Variants in COG5 observed in about 807,000 individuals in gnomAD.
COG5 encodes component of oligomeric golgi complex 5.
Under a neutral mutation model 110.4 loss-of-function variants are expected in COG5, and 86 were observed. The ratio of observed to expected loss-of-function variants is 0.78; its 90% confidence interval spans 0.65 to 0.93. COG5 has a LOEUF of 0.93. Among genes scored for constraint, COG5 ranks in the 40% least tolerant of loss-of-function variants. The pLI, the probability that COG5 is intolerant of heterozygous loss-of-function variation, is 0.00. For missense variants in COG5, 1,077 were observed against 987.0 expected (o/e 1.09, Z -1.22); for synonymous variants, 360 against 334.6 (o/e 1.08, Z -0.83).
At position 107,209,036 on chromosome 7, in the gene COG5, A is replaced by T. The variant is rs1388021856; in HGVS notation, c.2375+1490T>A. 5 of 981,758 alleles carry T rather than the reference A, an allele frequency of 5.1e-6. No homozygotes were observed. The African/African-American group carries it at 8.8e-5, about 17-fold the overall frequency. 60.8% of individuals were successfully genotyped at this position (981,758 alleles called of 1,614,324 possible). ...AAGGGTGAGAGACCTGGGCACTAGG[A>T]ATTTTCCAAGCTATGTAAATGATTC... On this transcript the variant is annotated intron_variant, in intron 21 of 21. Coordinates refer to ENST00000297135, the MANE Select transcript of COG5 (RefSeq NM_006348.5).
rs113517604 is a variant in COG5, at chr7:107,230,631, T to A, written c.2152A>T (p.Met718Leu). The part of the protein sequence containing the change: ...RVSDLGKSYR[M>L]LRSFRPLLFQ... ...CGGTCTTACCTGAATGATCTCAGCA[T>A]CCGATAGGACTTTCCTAAATCAGAT... Residue 718 changes from methionine to leucine, a missense_variant, in exon 19 of 22, where the codon ATG becomes TTG. By Grantham distance (15) the Met-to-Leu change is conservative. Transcript: ENST00000297135. 5 of 1,612,712 alleles carry A rather than the reference T, an allele frequency of 3.1e-6. No individual in the cohort carries two copies. Among genetic ancestry groups the A allele is most frequent in the African/African-American group, 2.7e-5 (2 of 75,010 alleles).
chr7:107,404,357 C>T (rs1180649918), intron 7 of COG5, among the ~76,000 whole-genome samples: 1 of 152,070 alleles, frequency 6.6e-6, no homozygotes, highest in East Asian at 1.9e-4. Context: ...AAACTAAGTG[C>T]GTAATCATTC....
In COG5 at chr7:107,258,357, C is replaced by T. The variant is rs759544719; in HGVS notation, c.1602G>A (p.Gln534=). Residue 534 remains glutamine (Q), a synonymous_variant, in exon 15 of 22, where the codon CAG becomes CAA. Transcript: ENST00000297135. ...QLLSTQGDAS[Q]VIGPLTEGQR... is the part of the protein sequence containing the mutation. ...GTCCTTCAGTAAGAGGCCCAATCAC[C>T]TGACTTGCATCTCCTTGTGTGGAGA... is the stretch of plus-strand genomic sequence containing the variant. 1.7e-5 allele frequency: 28 copies of T among 1,611,610 alleles called. No homozygotes were observed. The highest frequency in any genetic ancestry group is 2.4e-5 in the Non-Finnish European group (28 of 1,177,866).
intron 6 of COG5, among the ~76,000 whole-genome samples, chr7:107,492,942 T>G (rs77998381): frequency 2.5e-3 from 383 of 152,268 alleles, no homozygotes; most frequent in Middle Eastern, 3.4e-3. Flanking sequence ...GAACATGTCA[T>G]GATCTGCTGT....
chr7:107,519,754 A>G (rs1299759886), intron 6 of COG5, among the ~76,000 whole-genome samples: 2 of 152,202 alleles, frequency 1.3e-5, no homozygotes, highest in Admixed American at 1.3e-4. Context: ...ATGATATTCC[A>G]AACAACTGAA....
chr7:107,511,499 T>A (rs540243566), intron 6 of COG5, among the ~76,000 whole-genome samples: 5 of 152,160 alleles, frequency 3.3e-5, no homozygotes, highest in Non-Finnish European at 7.4e-5. Flanking sequence ...CTTCTGAAAC[T>A]ATTCCAATCA....
intron 14 of COG5, among the ~76,000 whole-genome samples, chr7:107,261,345 A>G (rs1803330697): frequency 6.6e-6 from 1 of 152,090 alleles, no homozygotes; most frequent in Admixed American, 6.6e-5. Flanking sequence ...TCTCAGATAC[A>G]GGAACGTGCA....
chr7:107,497,816 AAGACC>A (rs1260218525), intron 6 of COG5, among the ~76,000 whole-genome samples: 7 of 152,316 alleles, frequency 4.6e-5, no homozygotes, highest in African/African-American at 1.7e-4. Context: ...GGAACCACAG[AAGACC>A]CTGAATAGTC....
intron 2 of COG5, among the ~76,000 whole-genome samples, chr7:107,556,430 C>T (rs574772208): frequency 2.0e-5 from 3 of 152,316 alleles, no homozygotes; most frequent in East Asian, 3.9e-4. Flanking sequence ...CTTCTCCCCT[C>T]TAAGTGATGG....
chr7:107,350,194 A>T, intron 10 of COG5, among the ~76,000 whole-genome samples: 1 of 151,032 alleles, frequency 6.6e-6, no homozygotes. Flanking sequence ...TTATATTAAA[A>T]CCTCATTGGA....
At chr7:107,351,377 A>G (rs1812119027) in intron 10 of COG5, among the ~76,000 whole-genome samples, 1 of 152,208 alleles carries the variant, frequency 6.6e-6, no homozygotes, top group Admixed American at 6.5e-5. Flanking sequence ...CCCAGGCAAT[A>G]CCATTCAGGA....
intron 10 of COG5, among the ~76,000 whole-genome samples, chr7:107,346,643 CAT>C (rs1403619100): frequency 6.6e-6 from 1 of 152,112 alleles, no homozygotes; most frequent in Non-Finnish European, 1.5e-5. Context: ...AACTTCTACC[CAT>C]ATGTGTCTGC....
chr7:107,414,743 T>TTTTTTTTTTTTTTTC (rs1554434310), intron 6 of COG5, among the ~76,000 whole-genome samples: 1 of 115,808 alleles, frequency 8.6e-6, no homozygotes. Flanking sequence ...TTTTTTTTTT[T>TTTTTTTTTTTTTTTC]CCGAGACTCA....
chr7:107,551,104 A>G (rs1259585634), intron 3 of COG5, among the ~76,000 whole-genome samples: 1 of 152,076 alleles, frequency 6.6e-6, no homozygotes, highest in Non-Finnish European at 1.5e-5. Flanking sequence ...GTGTAGTGGC[A>G]TGATCTCGGC....
chr7:107,222,216 T>C (rs1799985947), intron 19 of COG5, among the ~76,000 whole-genome samples: 2 of 152,118 alleles, frequency 1.3e-5, no homozygotes, highest in South Asian at 4.2e-4. Flanking sequence ...TTTTTTTTTT[T>C]TGAGATGGAG....
intron 19 of COG5, among the ~76,000 whole-genome samples, chr7:107,215,557 G>A (rs62483627): frequency 0.2 from 29,695 of 150,022 alleles, 3,281 homozygotes; most frequent in East Asian, 0.31. Context: ...CCAGCTACTC[G>A]GGAGGCTGAG....
At chr7:107,503,489 T>C (rs1798768135) in intron 6 of COG5, among the ~76,000 whole-genome samples, 1 of 152,164 alleles carries the variant, frequency 6.6e-6, no homozygotes, top group African/African-American at 2.4e-5. Flanking sequence ...ATTTGGGCTC[T>C]TTTTGGTTCC....
intron 12 of COG5, among the ~76,000 whole-genome samples, chr7:107,293,698 C>T (rs939447925): frequency 2.6e-5 from 4 of 152,028 alleles, no homozygotes; most frequent in African/African-American, 9.7e-5. Context: ...ATGCTGGTAC[C>T]TTTCTTGGGC....
At chr7:107,342,100 GA>G (rs1811212529) in intron 10 of COG5, among the ~76,000 whole-genome samples, 1 of 152,010 alleles carries the variant, frequency 6.6e-6, no homozygotes, top group Admixed American at 6.6e-5. Flanking sequence ...CCACACTATA[GA>G]AGGAAATATT....
Sources: gnomAD v4.1 joint callset for allele counts (sites outside exome capture counted in the v4.1 genomes callset) on GRCh38, gnomAD v4.1.1 for gene constraint, MANE v1.5 for transcripts, NCBI Gene and HGNC (gene_info 2026-07-23, HGNC 2026-07-21) for gene names.